SPOCK3: variants seen among roughly 807,000 people sequenced by gnomAD.
SPOCK3 encodes testican-3.
Under a neutral mutation model 56.6 loss-of-function variants are expected in SPOCK3, and 30 were observed. The observed-to-expected ratio is 0.53, with a 90% confidence interval of 0.40 to 0.72. The LOEUF (loss-of-function observed/expected upper bound fraction) is 0.72, where lower values mean the gene tolerates loss of function less well. Ranked by LOEUF, SPOCK3 falls within the 30% of genes least tolerant of loss-of-function variation. The pLI is 0.00. For synonymous variants in SPOCK3, 196 were observed against 183.3 expected (o/e 1.07, Z -0.56); for missense variants, 527 against 530.0 (o/e 0.99, Z 0.06).
intron 2 of SPOCK3, among the ~76,000 whole-genome samples, chr4:167,063,677 A>T (rs1755827928): frequency 6.6e-6 from 1 of 151,682 alleles, no homozygotes; most frequent in Non-Finnish European, 1.5e-5. Flanking sequence ...CACCCCTCAC[A>T]CCGTCCCACC....
At chr4:166,861,542 TA>T (rs1731245544) in intron 6 of SPOCK3, among the ~76,000 whole-genome samples, 1 of 152,106 alleles carries the variant, frequency 6.6e-6, no homozygotes, top group Admixed American at 6.6e-5. Context: ...CCTTGAGCAA[TA>T]CGTTTGTTGA....
chr4:167,206,590 T>C (rs558252398), intron 2 of SPOCK3, among the ~76,000 whole-genome samples: 5 of 152,244 alleles, frequency 3.3e-5, no homozygotes, highest in South Asian at 2.1e-4. Context: ...TGGTAGCTAA[T>C]GAGTCTTGAG....
intron 2 of SPOCK3, among the ~76,000 whole-genome samples, chr4:167,145,327 T>A (rs996166037): frequency 6.6e-6 from 1 of 152,068 alleles, no homozygotes; most frequent in African/African-American, 2.4e-5. Flanking sequence ...ACCTATTGCA[T>A]AATCAAGTGG....
intron 9 of SPOCK3, among the ~76,000 whole-genome samples, chr4:166,738,374 A>G (rs912206611): frequency 6.6e-6 from 1 of 152,164 alleles, no homozygotes; most frequent in South Asian, 2.1e-4. Context: ...GTCGAGAGGG[A>G]ACACAGTCTA....
At chr4:166,739,152 G>T (rs1734560294) in intron 9 of SPOCK3, among the ~76,000 whole-genome samples, 1 of 152,132 alleles carries the variant, frequency 6.6e-6, no homozygotes, top group Non-Finnish European at 1.5e-5. Context: ...ACTTTTTAAT[G>T]ATTCCCATTC....
rs77331294 is a variant in SPOCK3 at position 166,896,485 on chromosome 4, A to G, written c.475-7241T>C. Among the ~76,000 whole-genome samples the G allele has an allele frequency of 3.4e-3, 514 of 152,280 alleles. 2 individuals carry two copies. The highest frequency in any genetic ancestry group is 0.011 in the African/African-American group (474 of 41,576). On this transcript the variant is annotated intron_variant, in intron 5 of 10. Coordinates refer to ENST00000357545, the MANE Select transcript of SPOCK3 (RefSeq NM_001040159.2). ...ACCGAGGTGCATGCTTAAGCAGAAC[A>G]AAGGAACACTCATTACATTTGAAAC...
chr4:167,031,130 GAAT>G (rs1258060662), intron 3 of SPOCK3, among the ~76,000 whole-genome samples: 1 of 151,810 alleles, frequency 6.6e-6, no homozygotes, highest in Non-Finnish European at 1.5e-5. Context: ...TTTATATTCA[GAAT>G]AATAGCTTCC....
At chr4:166,851,740 G>A (rs1341757090) in intron 6 of SPOCK3, among the ~76,000 whole-genome samples, 35 of 151,938 alleles carry the variant, frequency 2.3e-4, no homozygotes, top group African/African-American at 7.0e-4. Flanking sequence ...TCAGTGTGGC[G>A]ATTCCTCAGG....
intron 6 of SPOCK3, among the ~76,000 whole-genome samples, chr4:166,869,636 G>C (rs1732246977): frequency 7.0e-6 from 1 of 142,094 alleles, no homozygotes; most frequent in Non-Finnish European, 1.6e-5. Context: ...GTGTGTGTGT[G>C]TGTGTGTGTG....
chr4:167,006,873 C>T (rs1163855993), intron 3 of SPOCK3, among the ~76,000 whole-genome samples: 1 of 152,202 alleles, frequency 6.6e-6, no homozygotes, highest in Non-Finnish European at 1.5e-5. Flanking sequence ...CTTTATCCCT[C>T]GCAACTCAAA....
intron 6 of SPOCK3, among the ~76,000 whole-genome samples, chr4:166,827,936 T>G (rs917068719): frequency 2.0e-5 from 3 of 152,102 alleles, no homozygotes; most frequent in Non-Finnish European, 2.9e-5. Context: ...AGCATCTCTC[T>G]TTTTAATGAA....
chr4:166,983,339 C>T (rs375062205), intron 4 of SPOCK3, among the ~76,000 whole-genome samples: 1 of 151,986 alleles, frequency 6.6e-6, no homozygotes, highest in African/African-American at 2.4e-5. Flanking sequence ...TCACTCCTCC[C>T]AATCTTTTCA....
chr4:167,124,380 A>G (rs1188855639), intron 2 of SPOCK3, among the ~76,000 whole-genome samples: 1 of 152,202 alleles, frequency 6.6e-6, no homozygotes, highest in African/African-American at 2.4e-5. Context: ...CCTCACATTC[A>G]GAATGTCTAA....
intron 3 of SPOCK3, among the ~76,000 whole-genome samples, chr4:167,017,989 C>A (rs1750801209): frequency 6.6e-6 from 1 of 151,802 alleles, no homozygotes; most frequent in Admixed American, 6.6e-5. Flanking sequence ...TTCTTTCTCA[C>A]GAAGGGACTT....
intron 2 of SPOCK3, among the ~76,000 whole-genome samples, chr4:167,225,613 A>C (rs1208537494): frequency 1.3e-5 from 2 of 152,154 alleles, no homozygotes; most frequent in African/African-American, 4.8e-5. Context: ...ATGAAAAATG[A>C]TAAATAAATA....
intron 2 of SPOCK3, among the ~76,000 whole-genome samples, chr4:167,107,093 A>G (rs1315869912): frequency 6.6e-6 from 1 of 151,790 alleles, no homozygotes; most frequent in East Asian, 1.9e-4. Context: ...ACTAATGTAA[A>G]TCCTACTCAA....
intron 5 of SPOCK3, among the ~76,000 whole-genome samples, chr4:166,906,790 A>G (rs1006041054): frequency 1.3e-5 from 2 of 151,942 alleles, no homozygotes; most frequent in African/African-American, 4.8e-5. Flanking sequence ...TAGTCACCAC[A>G]TCATGTGTAG....
chr4:167,104,745 G>A (rs1357931535), intron 2 of SPOCK3, among the ~76,000 whole-genome samples: 2 of 151,030 alleles, frequency 1.3e-5, no homozygotes, highest in Non-Finnish European at 1.5e-5. Context: ...GAAGGTTATA[G>A]AACACCAAGC....
intron 2 of SPOCK3, among the ~76,000 whole-genome samples, chr4:167,132,985 G>A (rs1259490166): frequency 6.6e-6 from 1 of 152,028 alleles, no homozygotes; most frequent in Non-Finnish European, 1.5e-5. Context: ...TCTTTTTGGG[G>A]ACTACCATTC....
Sources: gnomAD v4.1 joint callset for allele counts (sites outside exome capture counted in the v4.1 genomes callset) on GRCh38, gnomAD v4.1.1 for gene constraint, MANE v1.5 for transcripts, NCBI Gene and HGNC (gene_info 2026-07-23, HGNC 2026-07-21) for gene names.